Variants in ACOT7 observed in about 807,000 individuals in gnomAD.
The protein encoded by ACOT7 is acyl-CoA thioesterase 7.
In ACOT7, 12 loss-of-function variants were observed where a neutral mutation model predicts 40.2. The ratio of observed to expected loss-of-function variants is 0.30; its 90% CI spans 0.19 to 0.48. The LOEUF (loss-of-function observed/expected upper bound fraction) is 0.48, where lower values mean the gene tolerates loss of function less well. Ranked by LOEUF, ACOT7 falls within the 20% of genes least tolerant of loss-of-function variation. ACOT7 has a pLI of 0.99. For missense variants in ACOT7, 395 were observed against 530.8 expected, an observed-to-expected ratio of 0.74 and a Z score of 2.51; for synonymous variants, 228 against 219.5, an observed-to-expected ratio of 1.04 and a Z score of -0.34.
At position 6,278,169 on chromosome 1, in the gene ACOT7, G is replaced by A. The variant is rs1380963552; in HGVS notation, c.1014+2933C>T. On this transcript the variant is annotated intron_variant, in intron 8 of 8. Coordinates refer to ENST00000361521, the MANE Select transcript of ACOT7 (RefSeq NM_007274.4). This position sits in a 1 kb window ranked among gnomAD's most constrained non-coding sequence, Gnocchi z 4.1. ...GTGCCCTTCTAAGGAAAAAACGTCT[G>A]AGAAGTGCTGTAGCTCCAGGAGGCT... Among the ~76,000 whole-genome samples, 1 of 152,148 alleles carries A rather than the reference G, an allele frequency of 6.6e-6. No individual in the cohort carries two copies. Among genetic ancestry groups the A allele is most frequent in the African/African-American group, 2.4e-5 (1 of 41,412 alleles).
chr1:6,372,843 C>A (rs1642157345), intron 1 of ACOT7, among the ~76,000 whole-genome samples: 1 of 152,158 alleles, frequency 6.6e-6, no homozygotes, highest in African/African-American at 2.4e-5. Flanking sequence ...TGCCACCGTG[C>A]CTGGCCTCCG....
At chr1:6,269,631 A>G (rs550370823) in intron 8 of ACOT7, among the ~76,000 whole-genome samples, 12 of 152,390 alleles carry the variant, frequency 7.9e-5, no homozygotes, top group African/African-American at 2.9e-4. Context: ...ACGGGCCCCA[A>G]GGCGGCTCTG....
At chr1:6,317,771 G>A (rs181219285) in intron 6 of ACOT7, among the ~76,000 whole-genome samples, 14 of 142,450 alleles carry the variant, frequency 9.8e-5, no homozygotes, top group African/African-American at 3.2e-4. Flanking sequence ...TCACTCTGTC[G>A]CCCAGGCTGG....
At chr1:6,265,029 C>A (rs1428557872) in intron 8 of ACOT7, among the ~76,000 whole-genome samples, 2 of 152,204 alleles carry the variant, frequency 1.3e-5, no homozygotes, top group African/African-American at 2.4e-5. Flanking sequence ...AGTGCCGAGC[C>A]CTGTGACATC....
At chr1:6,296,053 T>C (rs1459427736) in intron 6 of ACOT7, among the ~76,000 whole-genome samples, 1 of 152,020 alleles carries the variant, frequency 6.6e-6, no homozygotes, top group East Asian at 1.9e-4. Context: ...GACAGGCACA[T>C]GTTACCACAC....
intron 1 of ACOT7, among the ~76,000 whole-genome samples, chr1:6,360,276 C>T (rs975879162): frequency 2.6e-5 from 4 of 152,222 alleles, no homozygotes; most frequent in African/African-American, 4.8e-5. Context: ...AATGTCTGCC[C>T]GGAGGGGAGG....
chr1:6,357,980 C>T (rs552257291), intron 1 of ACOT7, among the ~76,000 whole-genome samples: 1 of 151,956 alleles, frequency 6.6e-6, no homozygotes, highest in Non-Finnish European at 1.5e-5. Flanking sequence ...GATTCTCCTA[C>T]CTCAGCCTCC....
intron 8 of ACOT7, among the ~76,000 whole-genome samples, chr1:6,269,352 C>T (rs960289479): frequency 5.9e-5 from 9 of 152,218 alleles, no homozygotes; most frequent in Non-Finnish European, 1.2e-4. Context: ...CACCTCACCC[C>T]GGCCCTCGGC....
At chr1:6,372,643 G>A (rs551143721) in intron 1 of ACOT7, among the ~76,000 whole-genome samples, 1 of 149,420 alleles carries the variant, frequency 6.7e-6, no homozygotes, top group Admixed American at 6.7e-5. Context: ...CTCCACCTCT[G>A]GGTTCAAGAG....
intron 5 of ACOT7, among the ~76,000 whole-genome samples, chr1:6,322,403 G>GGA (rs1300152135): frequency 2.0e-5 from 3 of 152,262 alleles, no homozygotes; most frequent in Non-Finnish European, 4.4e-5. Flanking sequence ...ACAGTGACCA[G>GGA]GAGAGAAGGG....
At chr1:6,331,987 G>C (rs78599242) in intron 4 of ACOT7, among the ~76,000 whole-genome samples, 3,684 of 152,272 alleles carry the variant, frequency 0.024, 161 homozygotes, top group African/African-American at 0.084. Flanking sequence ...GTGACCGGGG[G>C]GCCACGGGAA....
At position 6,360,229 on chromosome 1, in the gene ACOT7, C is replaced by T. The variant is rs114397382; in HGVS notation, c.144-10363G>A. ...GGGATGCTTAATGTCTAGAAGCCAG[C>T]AGAGGAGAGGATTCTAAAGGGATCC... On this transcript the variant is annotated intron_variant, in intron 1 of 8. Transcript: ENST00000361521. 1.0e-2 allele frequency among the ~76,000 whole-genome samples: 1,518 copies of T among 152,372 alleles called. 22 individuals carry two copies. The highest frequency in any genetic ancestry group is 0.034 in the African/African-American group (1,426 of 41,588).
rs1309841488 is a variant in ACOT7 at position 6,278,620 on chromosome 1, G to T, written c.1014+2482C>A. 1.3e-5 allele frequency among the ~76,000 whole-genome samples: 2 copies of T among 152,192 alleles called. No individual in the cohort carries two copies. The highest frequency in any genetic ancestry group is 2.4e-5 in the African/African-American group (1 of 41,446). On this transcript the variant is annotated intron_variant, in intron 8 of 8. Coordinates refer to ENST00000361521, the MANE Select transcript of ACOT7 (RefSeq NM_007274.4). The surrounding 1 kb of genome is among the most constrained non-coding windows in gnomAD (Gnocchi z 4.1). Reference sequence around the variant, plus strand: ...ATGCTTTTGGGAACCCTGTTGAGGGGCAGCACTGGCCAAGTCAATTTGGGA... The same window carrying T: ...ATGCTTTTGGGAACCCTGTTGAGGGTCAGCACTGGCCAAGTCAATTTGGGA...
chr1:6,275,019 C>A lies in ACOT7; in HGVS notation c.1014+6083G>T, dbSNP rs992238466. Reference sequence around the variant, plus strand: ...ACAGATGGGCCTGCTGGCCGTGCGACCCCTGGCGAGTGACTCCCTGCCTGG... The same window carrying A: ...ACAGATGGGCCTGCTGGCCGTGCGAACCCTGGCGAGTGACTCCCTGCCTGG... On this transcript the variant is annotated intron_variant, in intron 8 of 8. Transcript: ENST00000361521. The surrounding 1 kb of genome is among the most constrained non-coding windows in gnomAD (Gnocchi z 5.6). Among the ~76,000 whole-genome samples, 1 of 152,202 alleles carries A rather than the reference C, an allele frequency of 6.6e-6. No homozygotes were observed. The highest frequency in any genetic ancestry group is 1.9e-4 in the East Asian group (1 of 5,198).
At chr1:6,327,128 C>T (rs374051264) in intron 5 of ACOT7, among the ~76,000 whole-genome samples, 171 bp downstream of exon 5, 2 of 152,060 alleles carry the variant, frequency 1.3e-5, no homozygotes, top group Non-Finnish European at 2.9e-5. Context: ...TGGCTCAGGG[C>T]GGGGCTGGGG....
Position 6,278,903 on chromosome 1 carries a change from C to T in ACOT7, c.1014+2199G>A, listed in dbSNP as rs1307815340. ...GTGTCCTTGCGTCTGTCCATGCTGC[C>T]CGCAGAGGGAAGACAGAACTGGGAA... On this transcript the variant is annotated intron_variant, in intron 8 of 8. Coordinates refer to ENST00000361521, the MANE Select transcript of ACOT7 (RefSeq NM_007274.4). This position sits in a 1 kb window ranked among gnomAD's most constrained non-coding sequence, Gnocchi z 4.1. Among the ~76,000 whole-genome samples, 1 of 152,134 alleles carries T rather than the reference C, an allele frequency of 6.6e-6. No homozygotes were observed. The highest frequency in any genetic ancestry group is 1.5e-5 in the Non-Finnish European group (1 of 68,032).
rs192408843 is a variant in ACOT7, at chr1:6,335,160, G to A, written c.419-1592C>T. Reference sequence around the variant, plus strand: ...AGCCTGACCAACATGGAGAAACCCCGTCTCTACTAAAAATACAAAAATTAG... The same window carrying A: ...AGCCTGACCAACATGGAGAAACCCCATCTCTACTAAAAATACAAAAATTAG... On this transcript the variant is annotated intron_variant, in intron 3 of 8. Transcript: ENST00000361521. 3.6e-3 allele frequency among the ~76,000 whole-genome samples: 547 copies of A among 151,964 alleles called. 3 individuals carry two copies. Among genetic ancestry groups the A allele is most frequent in the African/African-American group, 0.013 (528 of 41,448 alleles).
chr1:6,368,614 A>AG (rs1195018446), intron 1 of ACOT7, among the ~76,000 whole-genome samples: 1 of 152,154 alleles, frequency 6.6e-6, no homozygotes, highest in Non-Finnish European at 1.5e-5. Context: ...GGAGACTCCC[A>AG]GGGGTAGACT....
rs1464143874 is a variant in ACOT7, at chr1:6,282,871, C to T, written c.830-1585G>A. On this transcript the variant is annotated intron_variant, in intron 7 of 8. Coordinates refer to ENST00000361521, the MANE Select transcript of ACOT7 (RefSeq NM_007274.4). The surrounding 1 kb of genome is among the most constrained non-coding windows in gnomAD (Gnocchi z 4.5). ...CCCGGGAGGAGGGCAGGCCATGGGT[C>T]AGGCCCCAGCTAAGGAGCTAGAAGT... 9.3e-7 allele frequency: 1 copy of T among 1,074,588 alleles called. No individual in the cohort carries two copies. The highest frequency in any genetic ancestry group is 1.3e-6 in the Non-Finnish European group (1 of 779,702). The allele number at this position is 1,074,588 out of a possible 1,614,324, so 66.6% of individuals were successfully genotyped here.
Sources: allele counts gnomAD v4.1 joint callset (sites outside exome capture counted in the v4.1 genomes callset), GRCh38; gene constraint gnomAD v4.1.1; non-coding constraint Gnocchi (gnomAD v3.1); transcripts MANE v1.5; gene names NCBI Gene and HGNC (gene_info 2026-07-23, HGNC 2026-07-21).